Variants in GRID2 observed in about 807,000 individuals in gnomAD.
GRID2 encodes the protein glutamate ionotropic receptor delta type subunit 2, also known as glutamate receptor ionotropic, delta-2.
A neutral mutation model predicts 114.8 loss-of-function variants in GRID2; 33 were observed. That is an observed-to-expected ratio of 0.29 (90% confidence interval 0.22 to 0.38). The LOEUF is 0.38. GRID2 is among the 10% of genes least tolerant of loss of function. GRID2 has a pLI of 1.00. For synonymous variants in GRID2, 505 were observed against 449.9 expected (o/e 1.12, Z -1.55); for missense variants, 1,184 against 1,257.7 (o/e 0.94, Z 0.89).
At chr4:93,244,762 G>T (rs1466830083) in intron 8 of GRID2, among the ~76,000 whole-genome samples, 5 of 151,302 alleles carry the variant, frequency 3.3e-5, no homozygotes, top group South Asian at 2.1e-4. Context: ...GAACAGCTCT[G>T]CTTTCAAATA....
At chr4:92,540,602 T>C (rs1035501789) in intron 1 of GRID2, among the ~76,000 whole-genome samples, 12 of 152,248 alleles carry the variant, frequency 7.9e-5, no homozygotes, top group South Asian at 4.1e-4. Flanking sequence ...GATATCATCT[T>C]ACACCAGTTA....
intron 2 of GRID2, among the ~76,000 whole-genome samples, chr4:92,648,175 T>C (rs1579760470): frequency 6.7e-6 from 1 of 149,952 alleles, no homozygotes; most frequent in East Asian, 1.9e-4. Flanking sequence ...GCAATGAAAG[T>C]TGAAGCAATG....
chr4:92,950,615 G>C (rs574840784), intron 2 of GRID2, among the ~76,000 whole-genome samples: 42 of 152,190 alleles, frequency 2.8e-4, no homozygotes, highest in African/African-American at 9.9e-4. Flanking sequence ...GTTCTTCATA[G>C]CATGCTTCTT....
At chr4:92,894,850 A>T (rs952081785) in intron 2 of GRID2, among the ~76,000 whole-genome samples, 3 of 152,012 alleles carry the variant, frequency 2.0e-5, no homozygotes, top group Non-Finnish European at 2.9e-5. Flanking sequence ...TCCACTATTA[A>T]TCCTTGTATT....
At chr4:92,813,174 G>T (rs1308185115) in intron 2 of GRID2, among the ~76,000 whole-genome samples, 1 of 151,936 alleles carries the variant, frequency 6.6e-6, no homozygotes, top group Admixed American at 6.6e-5. Context: ...ATATTTCCTG[G>T]TCACCCACTG....
intron 2 of GRID2, among the ~76,000 whole-genome samples, chr4:92,907,289 C>A (rs759574972): frequency 3.3e-4 from 50 of 152,092 alleles, no homozygotes; most frequent in Non-Finnish European, 6.2e-4. Flanking sequence ...CTCATCTGTC[C>A]TGCACTCCTC....
chr4:93,206,263 GA>G (rs35580831), intron 4 of GRID2, among the ~76,000 whole-genome samples: 1 of 151,628 alleles, frequency 6.6e-6, no homozygotes, highest in Non-Finnish European at 1.5e-5. Context: ...TACGTACTTT[GA>G]AAAAACATTG....
At chr4:92,907,099 T>C (rs547058192) in intron 2 of GRID2, among the ~76,000 whole-genome samples, 1 of 152,302 alleles carries the variant, frequency 6.6e-6, no homozygotes, top group East Asian at 1.9e-4. Context: ...TTATAGTACT[T>C]CCTTAAATGA....
At chr4:92,967,781 C>T (rs749519249) in intron 2 of GRID2, among the ~76,000 whole-genome samples, 1 of 151,876 alleles carries the variant, frequency 6.6e-6, no homozygotes, top group Non-Finnish European at 1.5e-5. Flanking sequence ...AGACTGTGCA[C>T]AAGCGAGGGT....
intron 1 of GRID2, among the ~76,000 whole-genome samples, chr4:92,579,755 G>T (rs935928164): frequency 6.6e-6 from 1 of 151,260 alleles, no homozygotes; most frequent in African/African-American, 2.4e-5. Context: ...AACTTACAGT[G>T]GCAAGCATAC....
At chr4:93,205,258 G>A (rs898001463) in intron 4 of GRID2, among the ~76,000 whole-genome samples, 28 of 151,510 alleles carry the variant, frequency 1.8e-4, no homozygotes, top group African/African-American at 6.8e-4. Context: ...ACTGCCATAG[G>A]TTATGTTTTA....
intron 8 of GRID2, among the ~76,000 whole-genome samples, 154 bp from the exon 9 acceptor site, chr4:93,395,452 AT>A (rs1481756692): frequency 6.6e-6 from 1 of 151,990 alleles, no homozygotes; most frequent in Non-Finnish European, 1.5e-5. Context: ...GGCATATCTA[AT>A]AACTTCATTT....
intron 1 of GRID2, among the ~76,000 whole-genome samples, chr4:92,362,514 T>G (rs1419944720): frequency 1.3e-5 from 2 of 151,974 alleles, no homozygotes; most frequent in African/African-American, 4.8e-5. Context: ...AATCCACAGA[T>G]TCTCATAAAT....
intron 8 of GRID2, among the ~76,000 whole-genome samples, chr4:93,257,342 A>G (rs1391461319): frequency 2.0e-5 from 3 of 151,898 alleles, no homozygotes; most frequent in East Asian, 3.9e-4. Flanking sequence ...TACATTGTAA[A>G]GAGTGATGCA....
chr4:93,525,969 A>ATT (rs1730849415), intron 13 of GRID2, among the ~76,000 whole-genome samples: 3 of 152,276 alleles, frequency 2.0e-5, no homozygotes, highest in Non-Finnish European at 4.4e-5. Context: ...CTTACTCTCA[A>ATT]AGTTACTTCC....
At chr4:93,286,300 G>T (rs1203245756) in intron 8 of GRID2, among the ~76,000 whole-genome samples, 1 of 152,066 alleles carries the variant, frequency 6.6e-6, no homozygotes, top group Non-Finnish European at 1.5e-5. Context: ...TAGGAAGATG[G>T]ATTAACCAGA....
chr4:92,583,919 A>AAATG (rs1236533822), intron 1 of GRID2, among the ~76,000 whole-genome samples: 1 of 121,936 alleles, frequency 8.2e-6, no homozygotes. Context: ...ATATACACAT[A>AAATG]TATGTATATA....
At chr4:93,566,172 T>C (rs1026085950) in intron 13 of GRID2, among the ~76,000 whole-genome samples, 2 of 152,146 alleles carry the variant, frequency 1.3e-5, no homozygotes, top group Non-Finnish European at 2.9e-5. Flanking sequence ...TGTGACACTA[T>C]CAGGATACAG....
chr4:92,927,758 C>T (rs1749923716), intron 2 of GRID2, among the ~76,000 whole-genome samples: 1 of 151,646 alleles, frequency 6.6e-6, no homozygotes, highest in African/African-American at 2.4e-5. Context: ...GTTGCAGATT[C>T]TTATGGAGAT....
Sources: gnomAD v4.1 joint callset for allele counts (sites outside exome capture counted in the v4.1 genomes callset) on GRCh38, gnomAD v4.1.1 for gene constraint, MANE v1.5 for transcripts, NCBI Gene and HGNC (gene_info 2026-07-23, HGNC 2026-07-21) for gene names.